Variants in SPEF2 observed in about 807,000 individuals in gnomAD.
The protein encoded by SPEF2 is sperm flagellar and cilia associated 2, also known as sperm flagella and cilia-associated protein 2.
In SPEF2, 187 loss-of-function variants were observed where a neutral mutation model predicts 224.6. The observed-to-expected ratio is 0.83, with a 90% confidence interval of 0.74 to 0.94. The LOEUF (loss-of-function observed/expected upper bound fraction) is 0.94. SPEF2 is among the 40% of genes least tolerant of loss of function. The pLI is 0.00. For synonymous variants in SPEF2, 715 were observed against 707.3 expected, an observed-to-expected ratio of 1.01 and a Z score of -0.17; for missense variants, 2,170 against 2,135.6, an observed-to-expected ratio of 1.02 and a Z score of -0.32.
At chr5:35,742,867 T>A (rs910411909) in intron 23 of SPEF2, among the ~76,000 whole-genome samples, 16 of 151,920 alleles carry the variant, frequency 1.1e-4, no homozygotes, top group Non-Finnish European at 4.4e-5. Context: ...AATAAGGAAA[T>A]TTCCTTTATA....
intron 2 of SPEF2, among the ~76,000 whole-genome samples, chr5:35,640,324 G>A (rs373276177): frequency 2.0e-5 from 3 of 152,242 alleles, no homozygotes; most frequent in East Asian, 3.9e-4. Context: ...CCAATTATGT[G>A]TAGTGAGCAA....
chr5:35,807,509 T>A, intron 36 of SPEF2: 2 of 947,088 alleles, frequency 2.1e-6, no homozygotes, highest in African/African-American at 1.6e-5. Flanking sequence ...ATTGTCATTG[T>A]AGCCATGTAA....
Position 35,628,484 on chromosome 5 carries a change from T to C in SPEF2, c.83T>C (p.Phe28Ser), listed in dbSNP as rs994713260. The change falls in exon 2 of 37, where the codon TTT becomes TCT. Residue 28 changes from phenylalanine (F) to serine (S), a missense_variant. Phe to Ser is a radical substitution (Grantham distance 155). Coordinates refer to ENST00000356031, the MANE Select transcript of SPEF2 (RefSeq NM_024867.4). ...TVSPKSFAKA[F>S]SSGYLLGEVL... ...GGTCCCAAGTCATTTGCAAAGGCAT[T>C]TTCCAGTGGCTATCTACTTGGAGAA... 5.6e-6 allele frequency: 9 copies of C among 1,613,994 alleles called. No homozygotes were observed. Among genetic ancestry groups the C allele is most frequent in the Middle Eastern group, 1.6e-4 (1 of 6,062 alleles).
chr5:35,748,659 A>AGTGAGATTG (rs1748937429), intron 23 of SPEF2, among the ~76,000 whole-genome samples: 1 of 152,206 alleles, frequency 6.6e-6, no homozygotes, highest in South Asian at 2.1e-4. Context: ...AATAACAAGC[A>AGTGAGATTG]GTGAGATTGA....
chr5:35,719,881 A>C (rs1743300260), intron 20 of SPEF2, among the ~76,000 whole-genome samples: 1 of 152,132 alleles, frequency 6.6e-6, no homozygotes, highest in African/African-American at 2.4e-5. Flanking sequence ...CGGCTTCCCA[A>C]AGTGCTGGGA....
At chr5:35,745,064 T>C (rs1748267075) in intron 23 of SPEF2, among the ~76,000 whole-genome samples, 1 of 152,198 alleles carries the variant, frequency 6.6e-6, no homozygotes, top group Admixed American at 6.5e-5. Flanking sequence ...TTCTAACTGA[T>C]ATATTCTAAC....
At chr5:35,808,747 T>C (rs1758353993) in intron 36 of SPEF2, among the ~76,000 whole-genome samples, 1 of 148,288 alleles carries the variant, frequency 6.7e-6, no homozygotes, top group African/African-American at 2.5e-5. Context: ...TATACACACA[T>C]ATATATTTAT....
intron 8 of SPEF2, among the ~76,000 whole-genome samples, chr5:35,662,642 A>G (rs924532942): frequency 3.3e-5 from 5 of 152,186 alleles, no homozygotes; most frequent in Non-Finnish European, 5.9e-5. Context: ...TATCTTCTGC[A>G]TATAGGTAGC....
rs1395056084 is a variant in SPEF2, at chr5:35,739,945, C to T, written c.3090C>T (p.Tyr1030=). 20 of 1,613,946 alleles carry T rather than the reference C, an allele frequency of 1.2e-5. No homozygotes were observed. The highest frequency in any genetic ancestry group is 1.7e-4 in the Middle Eastern group (1 of 6,058). The part of the protein sequence containing the change: ...PEEMPLFLVP[Y]WELIENSYIN... Reference sequence around the variant, plus strand: ...AAATGCCTTTGTTTTTAGTACCTTACTGGGAACTAATAGAAAATTCCTATA... The same window carrying T: ...AAATGCCTTTGTTTTTAGTACCTTATTGGGAACTAATAGAAAATTCCTATA... The change falls in exon 22 of 37, where the codon TAC becomes TAT. Residue 1030 remains tyrosine (Y), a synonymous_variant. Coordinates refer to ENST00000356031, the MANE Select transcript of SPEF2 (RefSeq NM_024867.4).
chr5:35,769,996 T>A (rs1752583335), intron 26 of SPEF2, among the ~76,000 whole-genome samples: 1 of 134,484 alleles, frequency 7.4e-6, no homozygotes, highest in East Asian at 2.0e-4. Flanking sequence ...ATAATGTGTG[T>A]GTGTGTGTGT....
At position 35,727,655 on chromosome 5, in the gene SPEF2, A is replaced by T; in HGVS notation, c.2915-20A>T. The stretch of plus-strand genomic sequence containing the variant: ...CCATTCATTTACTTGTATTGGAATA[A>T]TTTGATATGCATGTTTAAGGTTCTC... On this transcript the variant is annotated intron_variant, in intron 20 of 36. Coordinates refer to ENST00000356031, the MANE Select transcript of SPEF2 (RefSeq NM_024867.4). The T allele has an allele frequency of 6.2e-7, 1 of 1,606,400 alleles. No homozygotes were observed. Among genetic ancestry groups the T allele is most frequent in the African/African-American group, 1.3e-5 (1 of 74,820 alleles).
rs781177231 is a variant in SPEF2 at position 35,779,136 on chromosome 5, G to T, written c.4237G>T (p.Val1413Leu). ...EMASTEKLTD[V>L]ARYHIETSTK... Reference sequence around the variant, plus strand: ...TTTCAGTACAGAAAAATTAACTGACGTAGCTCGCTATCACATTGAAACATC... The same window carrying T: ...TTTCAGTACAGAAAAATTAACTGACTTAGCTCGCTATCACATTGAAACATC... The change falls in exon 30 of 37, where the codon GTA becomes TTA. Residue 1413 changes from valine (V) to leucine (L), a missense_variant. Transcript: ENST00000356031. 6.2e-7 allele frequency: 1 copy of T among 1,613,106 alleles called. No homozygotes were observed. Among genetic ancestry groups the T allele is most frequent in the East Asian group, 2.2e-5 (1 of 44,858 alleles).
intron 7 of SPEF2, among the ~76,000 whole-genome samples, chr5:35,655,481 G>A (rs1187470254): frequency 1.3e-5 from 2 of 152,214 alleles, no homozygotes; most frequent in African/African-American, 4.8e-5. Flanking sequence ...ACATTGGAGT[G>A]TGAAAGTTCT....
chr5:35,763,721 A>G lies in SPEF2; in HGVS notation c.3801+19A>G, dbSNP rs778256159. The G allele has an allele frequency of 1.3e-6, 2 of 1,585,464 alleles. No individual in the cohort carries two copies. Among genetic ancestry groups the G allele is most frequent in the Admixed American group, 1.9e-5 (1 of 52,982 alleles). On this transcript the variant is annotated intron_variant, in intron 26 of 36. Transcript: ENST00000356031. ...TCACATGGTAAGCAGTGCTCGTTAT[A>G]TTTTCTGTTAGTAATACACATTCAT...
intron 10 of SPEF2, chr5:35,671,676 C>T (rs575291725): frequency 1.2e-3 from 361 of 293,026 alleles, no homozygotes; most frequent in Non-Finnish European, 1.7e-3. Flanking sequence ...TAGGCTGCAG[C>T]TTAGCAAAGA....
chr5:35,686,698 G>T (rs1361512804), intron 10 of SPEF2, among the ~76,000 whole-genome samples: 1 of 151,866 alleles, frequency 6.6e-6, no homozygotes, highest in African/African-American at 2.4e-5. Flanking sequence ...GCTTTATCTG[G>T]ATATCTTTTA....
chr5:35,652,430 C>G (rs1243131659), intron 6 of SPEF2, among the ~76,000 whole-genome samples: 1 of 152,106 alleles, frequency 6.6e-6, no homozygotes, highest in African/African-American at 2.4e-5. Flanking sequence ...CAATTAAATA[C>G]TAAATCTTAA....
At chr5:35,777,457 G>T (rs1291984799) in intron 29 of SPEF2, among the ~76,000 whole-genome samples, 1 of 152,034 alleles carries the variant, frequency 6.6e-6, no homozygotes, top group East Asian at 1.9e-4. Flanking sequence ...ATTCATTTCT[G>T]TTCTCTGCCT....
At chr5:35,676,323 C>A (rs1171265713) in intron 10 of SPEF2, among the ~76,000 whole-genome samples, 1 of 152,104 alleles carries the variant, frequency 6.6e-6, no homozygotes, top group Non-Finnish European at 1.5e-5. Flanking sequence ...TTGTTCTCTA[C>A]CTACTTTGGC....
Sources: allele counts gnomAD v4.1 joint callset (sites outside exome capture counted in the v4.1 genomes callset), GRCh38; gene constraint gnomAD v4.1.1; transcripts MANE v1.5; gene names NCBI Gene and HGNC (gene_info 2026-07-23, HGNC 2026-07-21).